Variants in LYPLAL1 observed in about 807,000 individuals in gnomAD.
The protein encoded by LYPLAL1 is lysophospholipase like 1.
In LYPLAL1, 23 loss-of-function variants were observed where a neutral mutation model predicts 19.7. That is an observed-to-expected ratio of 1.17 (90% CI 0.84 to 1.65). The LOEUF (loss-of-function observed/expected upper bound fraction) is 1.65. Ranked by LOEUF, LYPLAL1 falls within the 40% of genes most tolerant of loss-of-function variation. LYPLAL1 has a pLI of 0.00. For missense variants in LYPLAL1, 355 were observed against 279.4 expected (o/e 1.27, Z -1.93); for synonymous variants, 119 against 96.3 (o/e 1.24, Z -1.38).
the LYPLAL1 span, among the ~76,000 whole-genome samples, chr1:219,268,122 C>T: frequency 3.3e-5 from 5 of 152,124 alleles, no homozygotes; most frequent in East Asian, 1.9e-4. Context: ...TTCCTGCCCT[C>T]GTGGAGCTTA....
chr1:219,235,965 CT>C, the LYPLAL1 span, among the ~76,000 whole-genome samples: 1 of 152,100 alleles, frequency 6.6e-6, no homozygotes, highest in East Asian at 1.9e-4. Context: ...CATTAGCAGC[CT>C]TTCTATCAAA....
chr1:219,440,005 A>ATACG, the LYPLAL1 span, among the ~76,000 whole-genome samples: 1 of 102,276 alleles, frequency 9.8e-6, no homozygotes, highest in African/African-American at 3.8e-5. Flanking sequence ...ACATATATAT[A>ATACG]TATATATACA....
At chr1:219,375,640 A>G in the LYPLAL1 span, among the ~76,000 whole-genome samples, 1 of 152,174 alleles carries the variant, frequency 6.6e-6, no homozygotes, top group African/African-American at 2.4e-5. Context: ...AGATACATAA[A>G]CATTTATCCT....
the LYPLAL1 span, among the ~76,000 whole-genome samples, chr1:219,336,793 T>G: frequency 6.6e-6 from 1 of 152,126 alleles, no homozygotes; most frequent in East Asian, 1.9e-4. Context: ...TTCTTTTTTC[T>G]TAATTGTGCT....
At chr1:219,201,262 T>G (rs1658074302) in intron 3 of LYPLAL1, among the ~76,000 whole-genome samples, 1 of 151,952 alleles carries the variant, frequency 6.6e-6, no homozygotes, top group Non-Finnish European at 1.5e-5. Context: ...TGAGTTTAAG[T>G]TTTCTCATTA....
the LYPLAL1 span, among the ~76,000 whole-genome samples, chr1:219,398,323 T>C: frequency 1.1e-4 from 16 of 152,228 alleles, no homozygotes; most frequent in Non-Finnish European, 2.4e-4. Flanking sequence ...TCTGAGATTC[T>C]TTCCTCCACT....
chr1:219,218,791 A>G, the LYPLAL1 span, among the ~76,000 whole-genome samples: 2 of 152,116 alleles, frequency 1.3e-5, no homozygotes, highest in African/African-American at 4.8e-5. Flanking sequence ...AAATCAGTTC[A>G]ATTTGTTTCA....
intron 2 of LYPLAL1, among the ~76,000 whole-genome samples, chr1:219,189,124 A>G (rs2125054117): frequency 6.6e-6 from 1 of 151,788 alleles, no homozygotes. Flanking sequence ...TCTCTAATTA[A>G]GGCATTGTCA....
At chr1:219,406,089 G>A in the LYPLAL1 span, among the ~76,000 whole-genome samples, 2 of 152,192 alleles carry the variant, frequency 1.3e-5, no homozygotes, top group African/African-American at 2.4e-5. Context: ...CAATACGCTT[G>A]AGATTTGAGA....
chr1:219,379,345 G>A, the LYPLAL1 span, among the ~76,000 whole-genome samples: 1 of 152,162 alleles, frequency 6.6e-6, no homozygotes, highest in African/African-American at 2.4e-5. Context: ...TCCTGGAACA[G>A]CACTGCTTCT....
At chr1:219,306,811 T>TAG in the LYPLAL1 span, among the ~76,000 whole-genome samples, 24 of 132,488 alleles carry the variant, frequency 1.8e-4, no homozygotes, top group Admixed American at 4.0e-4. Context: ...CATAGATAGA[T>TAG]ATAGATAGAT....
At chr1:219,237,300 C>G in the LYPLAL1 span, among the ~76,000 whole-genome samples, 16 of 152,146 alleles carry the variant, frequency 1.1e-4, no homozygotes, top group Admixed American at 6.5e-5. Flanking sequence ...TTCAGTGCAA[C>G]GGAAATGTAT....
chr1:219,382,811 C>T, the LYPLAL1 span, among the ~76,000 whole-genome samples: 4 of 152,014 alleles, frequency 2.6e-5, no homozygotes, highest in East Asian at 5.8e-4. Context: ...TGTATTTACG[C>T]CCAGCTACAA....
the LYPLAL1 span, among the ~76,000 whole-genome samples, chr1:219,229,277 G>GA: frequency 3.4e-5 from 5 of 147,204 alleles, no homozygotes; most frequent in African/African-American, 1.3e-4. Context: ...CATGGACATA[G>GA]GTGAGGACAA....
chr1:219,211,551 T>C lies in LYPLAL1; in HGVS notation c.537T>C (p.Asp179=). The C allele has an allele frequency of 6.2e-7, 1 of 1,613,478 alleles. No individual in the cohort carries two copies. The highest frequency in any genetic ancestry group is 1.1e-5 in the South Asian group (1 of 91,064). The change falls in exon 5 of 5, where the codon GAT becomes GAC. Residue 179 remains aspartate (D), a synonymous_variant. Coordinates refer to ENST00000366928, the MANE Select transcript of LYPLAL1 (RefSeq NM_138794.5). ...TATTTCAGTGTCATGGTACTGCAGATGAGTTAGTTCTTCATTCTTGGGCAG... is the reference window on the plus strand; with the variant it reads ...TATTTCAGTGTCATGGTACTGCAGACGAGTTAGTTCTTCATTCTTGGGCAG... ...PELFQCHGTA[D]ELVLHSWAEE...
chr1:219,302,677 GGCACAC>G, the LYPLAL1 span, among the ~76,000 whole-genome samples: 1 of 152,084 alleles, frequency 6.6e-6, no homozygotes, highest in East Asian at 1.9e-4. Context: ...CCTAGTGTGG[GGCACAC>G]CTTAGGTTCT....
At chr1:219,235,868 A>G in the LYPLAL1 span, among the ~76,000 whole-genome samples, 30 of 152,298 alleles carry the variant, frequency 2.0e-4, no homozygotes, top group South Asian at 1.0e-3. Flanking sequence ...TCCATTATCC[A>G]GGAGAGGACC....
chr1:219,427,859 A>G, the LYPLAL1 span, among the ~76,000 whole-genome samples: 364 of 152,306 alleles, frequency 2.4e-3, 3 homozygotes, highest in African/African-American at 8.3e-3. Flanking sequence ...ACCCAGGGCA[A>G]TCTCTAAACA....
At chr1:219,395,904 C>A in the LYPLAL1 span, among the ~76,000 whole-genome samples, 1 of 152,004 alleles carries the variant, frequency 6.6e-6, no homozygotes, top group African/African-American at 2.4e-5. Flanking sequence ...GAGATCGAGA[C>A]CATCCTGGCT....
Sources: allele counts gnomAD v4.1 joint callset (sites outside exome capture counted in the v4.1 genomes callset), GRCh38; gene constraint gnomAD v4.1.1; transcripts MANE v1.5; gene names NCBI Gene and HGNC (gene_info 2026-07-23, HGNC 2026-07-21).